The following RBM11 variants were observed in gnomAD, a reference collection of about 807,000 sequenced individuals.
RBM11 encodes splicing regulator RBM11.
RBM11 carries 18 observed loss-of-function variants against 21.4 expected under a neutral mutation model. That is an observed-to-expected ratio of 0.84 (90% CI 0.58 to 1.25). RBM11 has a LOEUF of 1.25. Ranked by LOEUF, RBM11 falls within the 50% of genes most tolerant of loss-of-function variation. The probability of loss-of-function intolerance (pLI) is 0.00; values close to 1 mark genes in which losing one functional copy is unlikely to be tolerated. For synonymous variants in RBM11, 120 were observed against 116.3 expected (o/e 1.03, Z -0.20); for missense variants, 294 against 331.9 (o/e 0.89, Z 0.89).
rs771377117 is a variant in RBM11 at position 14,226,951 on chromosome 21, A to C, written c.504A>C (p.Ala168=). The C allele has an allele frequency of 7.4e-6, 12 of 1,613,666 alleles. No individual in the cohort carries two copies. In the South Asian group the frequency reaches 1.3e-4, roughly 18 times the overall value. ...YEMTAPLPNS[A]SVSSSLNHVP... is the part of the protein sequence containing the mutation. The stretch of plus-strand genomic sequence containing the variant: ...TGACAGCTCCACTTCCTAATAGTGC[A>C]TCCGTGTCTTCCTCACTGAATCATG... The change falls in exon 5 of 5, where the codon GCA becomes GCC. Residue 168 remains alanine, a synonymous_variant. Transcript: ENST00000400577.
rs1568903308 is a variant in RBM11, at chr21:14,227,301, T to C, written c.*8T>C. On this transcript the variant is annotated 3_prime_UTR_variant, in exon 5 of 5. Coordinates refer to ENST00000400577, the MANE Select transcript of RBM11 (RefSeq NM_144770.5). ...AAGAAGAAAAGATACTAGTATTACCTACAAATGAAACTTACCTACACTGAT... is the reference window on the plus strand; with the variant it reads ...AAGAAGAAAAGATACTAGTATTACCCACAAATGAAACTTACCTACACTGAT... 6.3e-7 allele frequency: 1 copy of C among 1,594,962 alleles called. No homozygotes were observed. Among genetic ancestry groups the C allele is most frequent in the Non-Finnish European group, 8.5e-7 (1 of 1,172,212 alleles).
At position 14,219,398 on chromosome 21, in the gene RBM11, G is replaced by T. The variant is rs1978465634; in HGVS notation, c.97-165G>T. Among the ~76,000 whole-genome samples, 7 of 152,096 alleles carry T rather than the reference G, an allele frequency of 4.6e-5. 1 individual carries two copies. In the South Asian group the frequency reaches 1.4e-3, roughly 31 times the overall value. On this transcript the variant is annotated intron_variant, in intron 1 of 4. Transcript: ENST00000400577. ...TCCCCAATGAGCCAGAAAATACAAA[G>T]AAAGTGTGAGGAAGTGTAATATTTA...
At chr21:14,219,967 C>T (rs918262977) in intron 2 of RBM11, among the ~76,000 whole-genome samples, 7 of 152,134 alleles carry the variant, frequency 4.6e-5, no homozygotes, top group African/African-American at 1.2e-4. Flanking sequence ...GTTTTAGTAT[C>T]AGCCAGCAAG....
At chr21:14,226,648 A>C (rs1178473636) in intron 4 of RBM11, among the ~76,000 whole-genome samples, 1 of 151,310 alleles carries the variant, frequency 6.6e-6, no homozygotes, top group Non-Finnish European at 1.5e-5. Context: ...AACAAAAACT[A>C]TTTCCATTGG....
chr21:14,216,882 A>G (rs1231330719), intron 1 of RBM11, among the ~76,000 whole-genome samples: 1 of 152,102 alleles, frequency 6.6e-6, no homozygotes. Context: ...TGTGTCCTGT[A>G]TACACGCTCA....
chr21:14,228,086 A>G lies in RBM11; in HGVS notation c.*793A>G, dbSNP rs961239085. 3.9e-5 allele frequency: 6 copies of G among 152,226 alleles called. No individual in the cohort carries two copies. The highest frequency in any genetic ancestry group is 7.3e-5 in the Non-Finnish European group (5 of 68,036). 9.4% of individuals were successfully genotyped at this position (152,226 alleles called of 1,614,324 possible). ...CAAGTAAATAGAATAATATTTTATTAATGTATGATATGTAATACTTATTGT... is the reference window on the plus strand; with the variant it reads ...CAAGTAAATAGAATAATATTTTATTGATGTATGATATGTAATACTTATTGT... On this transcript the variant is annotated 3_prime_UTR_variant, in exon 5 of 5. Coordinates refer to ENST00000400577, the MANE Select transcript of RBM11 (RefSeq NM_144770.5).
At chr21:14,223,530 T>C (rs1249184274) in intron 3 of RBM11, among the ~76,000 whole-genome samples, 3 of 152,180 alleles carry the variant, frequency 2.0e-5, no homozygotes, top group Admixed American at 2.0e-4. Context: ...TCAGAAATAA[T>C]CTGTTTCATG....
At position 14,216,224 on chromosome 21, in the gene RBM11, T is replaced by C; in HGVS notation, c.38T>C (p.Phe13Ser). The C allele has an allele frequency of 6.2e-7, 1 of 1,613,714 alleles. No homozygotes were observed. The highest frequency in any genetic ancestry group is 1.1e-5 in the South Asian group (1 of 91,034). The change falls in exon 1 of 5, where the codon TTT becomes TCT. Residue 13 changes from phenylalanine to serine, a missense_variant. Coordinates refer to ENST00000400577, the MANE Select transcript of RBM11 (RefSeq NM_144770.5). Reference sequence around the variant, plus strand: ...CAGGAGGAGGCCGACAGGACCGTGTTTGTTGGGAATTTAGAGGCCCGAGTT... The same window carrying C: ...CAGGAGGAGGCCGACAGGACCGTGTCTGTTGGGAATTTAGAGGCCCGAGTT... ...PAQEEADRTV[F>S]VGNLEARVRE...
At chr21:14,220,446 C>T (rs969186016) in intron 2 of RBM11, among the ~76,000 whole-genome samples, 3 of 152,008 alleles carry the variant, frequency 2.0e-5, no homozygotes, top group Non-Finnish European at 4.4e-5. Flanking sequence ...TGTCACTTGT[C>T]GGTTTTTAAA....
chr21:14,221,351 CTT>C (rs1250822884), intron 3 of RBM11, 182 bp downstream of exon 3: 2 of 776,838 alleles, frequency 2.6e-6, no homozygotes, highest in Non-Finnish European at 3.7e-6. Context: ...AAAATTCAGT[CTT>C]AATATTTTCA....
chr21:14,224,104 C>T (rs1160907094), intron 3 of RBM11, among the ~76,000 whole-genome samples: 1 of 152,110 alleles, frequency 6.6e-6, no homozygotes, highest in African/African-American at 2.4e-5. Context: ...TGGACTAAAA[C>T]AGTCTGTCTT....
intron 2 of RBM11, among the ~76,000 whole-genome samples, chr21:14,220,022 A>G (rs11910130): frequency 0.21 from 32,374 of 152,124 alleles, 3,725 homozygotes; most frequent in East Asian, 0.41. Flanking sequence ...GAGCAAATCT[A>G]AATGAACTGG....
At chr21:14,216,394 G>A (rs1600952457) in intron 1 of RBM11, 112 bp downstream of exon 1, 1 of 855,150 alleles carries the variant, frequency 1.2e-6, no homozygotes, top group East Asian at 2.7e-5. Context: ...CTGAGCAGGG[G>A]TTTTAATTTC....
intron 1 of RBM11, among the ~76,000 whole-genome samples, chr21:14,217,981 T>A (rs1978354238): frequency 6.6e-6 from 1 of 152,184 alleles, no homozygotes; most frequent in African/African-American, 2.4e-5. Flanking sequence ...TAAATTTTAT[T>A]TAATAGATCA....
At position 14,226,995 on chromosome 21, in the gene RBM11, G is replaced by T. The variant is rs1440385888; in HGVS notation, c.548G>T (p.Gly183Val). ...AATCATGTTCCAGATCTTGAGGCTG[G>T]ACCCAGCTCATATAAATGGACTCAC... ...SLNHVPDLEA[G>V]PSSYKWTHQQ... Residue 183 changes from glycine (G) to valine (V), a missense_variant, in exon 5 of 5, where the codon GGA becomes GTA. By Grantham distance (109) the Gly-to-Val change is moderately radical (BLOSUM62 -3). Transcript: ENST00000400577. 6.2e-7 allele frequency: 1 copy of T among 1,610,080 alleles called. No homozygotes were observed. The highest frequency in any genetic ancestry group is 2.2e-5 in the East Asian group (1 of 44,796).
At chr21:14,217,515 G>T (rs1263220120) in intron 1 of RBM11, among the ~76,000 whole-genome samples, 1 of 152,102 alleles carries the variant, frequency 6.6e-6, no homozygotes, top group Non-Finnish European at 1.5e-5. Context: ...TCTTTTAATT[G>T]TAGATACAAT....
At chr21:14,219,209 G>T (rs1019363240) in intron 1 of RBM11, among the ~76,000 whole-genome samples, 2 of 152,114 alleles carry the variant, frequency 1.3e-5, no homozygotes, top group East Asian at 1.9e-4. Flanking sequence ...GTTATTTTTT[G>T]AATTCAACAC....
intron 3 of RBM11, among the ~76,000 whole-genome samples, chr21:14,221,954 A>G (rs1000583269): frequency 2.0e-5 from 3 of 152,182 alleles, no homozygotes; most frequent in Non-Finnish European, 4.4e-5. Flanking sequence ...GTACTTCTGC[A>G]GCCTCTCTAA....
intron 4 of RBM11, 46 bp from the exon 5 acceptor site, chr21:14,226,834 T>A (rs370928955): frequency 6.4e-7 from 1 of 1,557,344 alleles, no homozygotes; most frequent in African/African-American, 1.4e-5. Flanking sequence ...TTTTTTTCCT[T>A]AACCTTTTGG....
Sources: allele counts gnomAD v4.1 joint callset (sites outside exome capture counted in the v4.1 genomes callset), GRCh38; gene constraint gnomAD v4.1.1; transcripts MANE v1.5; gene names NCBI Gene and HGNC (gene_info 2026-07-23, HGNC 2026-07-21).